GFRA3: variants seen among roughly 807,000 people sequenced by gnomAD.
GFRA3 encodes GDNF family receptor alpha 3.
A neutral mutation model predicts 40.0 loss-of-function variants in GFRA3; 24 were observed. The observed-to-expected ratio is 0.60, with a 90% confidence interval of 0.43 to 0.84. The LOEUF is 0.84. GFRA3 is among the 40% of genes least tolerant of loss of function. The pLI is 0.00. For missense variants in GFRA3, 405 were observed against 530.6 expected (o/e 0.76, Z 2.33); for synonymous variants, 203 against 213.5 (o/e 0.95, Z 0.43).
chr5:138,271,196 T>G (rs766436736), intron 1 of GFRA3, among the ~76,000 whole-genome samples: 20 of 152,140 alleles, frequency 1.3e-4, no homozygotes, highest in Admixed American at 5.9e-4. Context: ...TTCTCGATGT[T>G]GGTCAGGCTG....
chr5:138,266,458 C>T (rs1296434814), intron 1 of GFRA3, among the ~76,000 whole-genome samples: 1 of 152,132 alleles, frequency 6.6e-6, no homozygotes, highest in Non-Finnish European at 1.5e-5. Flanking sequence ...GCTTGTTAGC[C>T]ATTTGTACAT....
chr5:138,259,776 A>T, intron 2 of GFRA3, 127 bp from the exon 3 acceptor site: 1 of 701,132 alleles, frequency 1.4e-6, no homozygotes, highest in South Asian at 1.5e-5. Flanking sequence ...CTACCTAACC[A>T]GCTGCAAGCT....
At chr5:138,271,527 G>A (rs1312710409) in intron 1 of GFRA3, among the ~76,000 whole-genome samples, 2 of 152,090 alleles carry the variant, frequency 1.3e-5, no homozygotes, top group African/African-American at 4.8e-5. Flanking sequence ...GTGTGCAAAT[G>A]TGTCTTTTTT....
At chr5:138,260,922 G>A (rs1755700550) in intron 2 of GFRA3, among the ~76,000 whole-genome samples, 1 of 152,030 alleles carries the variant, frequency 6.6e-6, no homozygotes, top group East Asian at 1.9e-4. Context: ...TCGAGAGGCT[G>A]AGGTGGGAGG....
chr5:138,255,416 T>G (rs1054008753), intron 4 of GFRA3, among the ~76,000 whole-genome samples: 7 of 152,182 alleles, frequency 4.6e-5, no homozygotes, highest in African/African-American at 1.7e-4. Context: ...GAATGAATGA[T>G]AGCTTCAATT....
Position 138,256,565 on chromosome 5 carries a change from AC to A in GFRA3, c.785+1073del, listed in dbSNP as rs1317498024. Among the ~76,000 whole-genome samples the A allele has an allele frequency of 9.2e-4, 135 of 147,118 alleles. 1 individual carries two copies. The highest frequency in any genetic ancestry group is 3.8e-3 in the South Asian group (17 of 4,474). On this transcript the variant is annotated intron_variant, in intron 4 of 7. Transcript: ENST00000274721. ...CAAAAAAAAACAAACAAAAAAAAAA[AC>A]AAAACAAAAACCTAAATATCTAGCA... is the stretch of plus-strand genomic sequence containing the variant.
Position 138,253,055 on chromosome 5 carries a change from A to T in GFRA3, c.1116T>A (p.Asn372Lys), listed in dbSNP as rs748521092. Residue 372 changes from asparagine to lysine, a missense_variant and splice_region_variant, in exon 8 of 8, where the codon AAT becomes AAA. Transcript: ENST00000274721. ...GCTGTGGCCTCACAGCAGGGTTTTC[A>T]TTCTGTGGAAGAAATGGAATGGAGT... is the stretch of plus-strand genomic sequence containing the variant. ...HPTFAVMAHQ[N>K]ENPAVRPQPW... 3 of 1,563,042 alleles carry T rather than the reference A, an allele frequency of 1.9e-6. No individual in the cohort carries two copies. In the South Asian group the frequency reaches 3.3e-5, roughly 17 times the overall value.
At chr5:138,273,289 G>A (rs1371033573) in intron 1 of GFRA3, among the ~76,000 whole-genome samples, 1 of 152,174 alleles carries the variant, frequency 6.6e-6, no homozygotes, top group Non-Finnish European at 1.5e-5. Context: ...TTTTCAATGA[G>A]GCTACTTAAC....
intron 1 of GFRA3, among the ~76,000 whole-genome samples, chr5:138,273,276 G>A (rs1755902816): frequency 6.6e-6 from 1 of 152,130 alleles, no homozygotes; most frequent in Admixed American, 6.5e-5. Flanking sequence ...ACTGTTTTAT[G>A]GATTTTCAAT....
At position 138,258,580 on chromosome 5, in the gene GFRA3, G is replaced by C. The variant is rs180802391; in HGVS notation, c.473-629C>G. Among the ~76,000 whole-genome samples, 15 of 152,252 alleles carry C rather than the reference G, an allele frequency of 9.9e-5. No individual in the cohort carries two copies. In the East Asian group the frequency reaches 1.2e-3, roughly 12 times the overall value. ...TATCTAGAATTCAAGCAGCCAGAAA[G>C]CTTAAATAACCATACCTCTTTCCTC... On this transcript the variant is annotated intron_variant, in intron 3 of 7. Coordinates refer to ENST00000274721, the MANE Select transcript of GFRA3 (RefSeq NM_001496.4).
In GFRA3 at chr5:138,257,636, C is replaced by T. The variant is rs751565007; in HGVS notation, c.785+3G>A. 25 of 1,606,756 alleles carry T rather than the reference C, an allele frequency of 1.6e-5. No homozygotes were observed. The highest frequency in any genetic ancestry group is 2.2e-5 in the South Asian group (2 of 90,572). On this transcript the variant is annotated splice_donor_region_variant and intron_variant, in intron 4 of 7. Transcript: ENST00000274721. ...GCCCACCCTGTCCTCCCAAACTACA[C>T]ACCTGCAAAGCGGGTCGGAGAAGCA...
chr5:138,264,401 G>C lies in GFRA3; in HGVS notation c.239C>G (p.Pro80Arg). ...SISTPLPSEE[P>R]SVPADCLEAA... ...CTCCAGGCAGTCAGCAGGGACCGAA[G>C]GCTCCTCTGAGGGCAGTGGGGTGCT... The change falls in exon 2 of 8, where the codon CCT (proline) becomes CGT (arginine). Residue 80 changes from proline to arginine, a missense_variant. By Grantham distance (103) the Pro-to-Arg change is moderately radical. Coordinates refer to ENST00000274721, the MANE Select transcript of GFRA3 (RefSeq NM_001496.4). The C allele has an allele frequency of 1.9e-6, 3 of 1,614,174 alleles. No homozygotes were observed. Among genetic ancestry groups the C allele is most frequent in the Non-Finnish European group, 1.7e-6 (2 of 1,180,016 alleles).
intron 1 of GFRA3, among the ~76,000 whole-genome samples, chr5:138,270,334 T>G (rs553130120): frequency 1.2e-4 from 18 of 147,046 alleles, no homozygotes; most frequent in African/African-American, 4.3e-4. Context: ...ATCACGCCAC[T>G]GCACTCCAGC....
intron 1 of GFRA3, among the ~76,000 whole-genome samples, chr5:138,273,034 T>C (rs1755899461): frequency 6.6e-6 from 1 of 152,212 alleles, no homozygotes; most frequent in Admixed American, 6.5e-5. Flanking sequence ...AAAAGTAATG[T>C]GCACCAGGGG....
In GFRA3 at chr5:138,254,139, C is replaced by G; in HGVS notation, c.807G>C (p.Gln269His). 6.2e-7 allele frequency: 1 copy of G among 1,602,368 alleles called. No individual in the cohort carries two copies. Among genetic ancestry groups the G allele is most frequent in the Non-Finnish European group, 8.5e-7 (1 of 1,169,692 alleles). The change falls in exon 5 of 8, where the codon CAG becomes CAC. Residue 269 changes from glutamine to histidine, a missense_variant. Transcript: ENST00000274721. ...PLCRSRLVDF[Q>H]THCHPMDILG... ...GGATGTCCATGGGATGGCAGTGGGTCTGGAAATCCACCAGGCGTGATCTGG... is the reference window on the plus strand; with the variant it reads ...GGATGTCCATGGGATGGCAGTGGGTGTGGAAATCCACCAGGCGTGATCTGG...
chr5:138,263,944 T>C (rs775233978), intron 2 of GFRA3, among the ~76,000 whole-genome samples: 25 of 152,176 alleles, frequency 1.6e-4, no homozygotes, highest in Non-Finnish European at 2.6e-4. Flanking sequence ...GGGTTAAGAC[T>C]TTTTTCTCCC....
chr5:138,273,525 C>T (rs558311541), intron 1 of GFRA3, among the ~76,000 whole-genome samples: 3 of 152,286 alleles, frequency 2.0e-5, no homozygotes, highest in Non-Finnish European at 4.4e-5. Flanking sequence ...GTTTTTCCTC[C>T]TTCCTTCCAT....
Position 138,252,966 on chromosome 5 carries a change from A to ATAGGCCCTG in GFRA3, c.*1_*2insCAGGGCCTA. 6.4e-7 allele frequency: 1 copy of ATAGGCCCTG among 1,569,852 alleles called. No individual in the cohort carries two copies. Among genetic ancestry groups the ATAGGCCCTG allele is most frequent in the Non-Finnish European group, 8.8e-7 (1 of 1,140,386 alleles). The stretch of plus-strand genomic sequence containing the variant: ...GGGGAAGAGGGCCCTGGGGAAGTCC[A>ATAGGCCCTG]GCTACCATAGGCTCAGGAGCAGAAT... On this transcript the variant is annotated 3_prime_UTR_variant, in exon 8 of 8. Transcript: ENST00000274721.
rs1554111191 is a variant in GFRA3 at position 138,271,899 on chromosome 5, T to TGTGTGTG, written c.91+2434_91+2435insCACACAC. ...GGCAGTATTTTCTTTTCTGTTTTTT[T>TGTGTGTG]TTTTTTTTTTTTTTTGTGTGTGTGT... On this transcript the variant is annotated intron_variant, in intron 1 of 7. Coordinates refer to ENST00000274721, the MANE Select transcript of GFRA3 (RefSeq NM_001496.4). Among the ~76,000 whole-genome samples, 181 of 101,340 alleles carry TGTGTGTG rather than the reference T, an allele frequency of 1.8e-3. 1 individual carries two copies. Among genetic ancestry groups the TGTGTGTG allele is most frequent in the Middle Eastern group, 5.0e-3 (1 of 200 alleles). 66.5% of individuals were successfully genotyped at this position (101,340 alleles called of 152,430 possible).
Sources: gnomAD v4.1 joint callset for allele counts (sites outside exome capture counted in the v4.1 genomes callset) on GRCh38, gnomAD v4.1.1 for gene constraint, MANE v1.5 for transcripts, NCBI Gene and HGNC (gene_info 2026-07-23, HGNC 2026-07-21) for gene names.